The following TOX variants were observed in gnomAD, a reference collection of about 807,000 sequenced individuals.
TOX encodes thymocyte selection associated high mobility group box.
TOX carries 11 observed loss-of-function variants against 53.7 expected under a neutral mutation model. The ratio of observed to expected loss-of-function variants is 0.20; its 90% CI spans 0.13 to 0.34. The LOEUF is 0.34. Among genes scored for constraint, TOX ranks in the 10% least tolerant of loss-of-function variants. The pLI is 1.00. For missense variants in TOX, 570 were observed against 664.6 expected (o/e 0.86, Z 1.56); for synonymous variants, 225 against 245.3 (o/e 0.92, Z 0.77).
chr8:58,987,624 C>T (rs577991469), intron 1 of TOX, among the ~76,000 whole-genome samples: 80 of 152,316 alleles, frequency 5.3e-4, no homozygotes, highest in African/African-American at 1.8e-3. Context: ...ACTCAGTTCT[C>T]AATCAGTTTT....
At chr8:59,093,111 C>T (rs1367576230) in intron 1 of TOX, among the ~76,000 whole-genome samples, 1 of 152,204 alleles carries the variant, frequency 6.6e-6, no homozygotes, top group Non-Finnish European at 1.5e-5. Context: ...TCTTCAGGGA[C>T]ACAGGATGGG....
intron 1 of TOX, among the ~76,000 whole-genome samples, chr8:59,105,452 G>A (rs191585742): frequency 5.9e-5 from 9 of 151,676 alleles, no homozygotes; most frequent in South Asian, 2.1e-4. Flanking sequence ...ATGTCACCCC[G>A]CACATAGAGC....
intron 3 of TOX, among the ~76,000 whole-genome samples, chr8:58,889,978 T>A (rs1811532843): frequency 6.6e-6 from 1 of 152,198 alleles, no homozygotes; most frequent in Admixed American, 6.5e-5. Flanking sequence ...CAGATGGATA[T>A]GTATTATTCA....
chr8:58,857,359 G>A (rs77617737), intron 3 of TOX, among the ~76,000 whole-genome samples: 35 of 152,202 alleles, frequency 2.3e-4, no homozygotes, highest in Non-Finnish European at 3.8e-4. Context: ...TTAGTGTTGC[G>A]TGGCTCTTAA....
At chr8:59,098,172 G>C (rs1804746052) in intron 1 of TOX, among the ~76,000 whole-genome samples, 1 of 152,176 alleles carries the variant, frequency 6.6e-6, no homozygotes, top group South Asian at 2.1e-4. Flanking sequence ...CCAGCAGCCA[G>C]GTTCAACAGC....
At chr8:58,903,736 C>T (rs981141863) in intron 3 of TOX, among the ~76,000 whole-genome samples, 2 of 152,104 alleles carry the variant, frequency 1.3e-5, no homozygotes, top group Admixed American at 6.5e-5. Flanking sequence ...AGTCTTGCAT[C>T]CTTCCTTTGA....
At chr8:59,060,744 T>C (rs1803969963) in intron 1 of TOX, among the ~76,000 whole-genome samples, 2 of 152,258 alleles carry the variant, frequency 1.3e-5, no homozygotes, top group African/African-American at 2.4e-5. Context: ...TTGCCTGTTA[T>C]GCCATTCAAT....
chr8:59,028,403 T>C (rs934930818), intron 1 of TOX, among the ~76,000 whole-genome samples: 1 of 152,166 alleles, frequency 6.6e-6, no homozygotes, highest in Non-Finnish European at 1.5e-5. Context: ...AGAAGCCATA[T>C]ATTTTATAGT....
At chr8:59,064,996 T>C (rs533250605) in intron 1 of TOX, among the ~76,000 whole-genome samples, 43 of 152,286 alleles carry the variant, frequency 2.8e-4, no homozygotes, top group Non-Finnish European at 5.3e-4. Flanking sequence ...GGCTTCCCAA[T>C]TCACATTTAA....
intron 3 of TOX, among the ~76,000 whole-genome samples, chr8:58,861,888 G>A (rs1811016999): frequency 6.6e-6 from 1 of 152,114 alleles, no homozygotes; most frequent in African/African-American, 2.4e-5. Flanking sequence ...TGATATTTGA[G>A]TTCATTTAGA....
chr8:59,084,393 A>G (rs1052430419), intron 1 of TOX, among the ~76,000 whole-genome samples: 2 of 152,184 alleles, frequency 1.3e-5, no homozygotes, highest in Non-Finnish European at 2.9e-5. Flanking sequence ...AAAAGTCTAT[A>G]TTAGTCAGTT....
intron 3 of TOX, among the ~76,000 whole-genome samples, chr8:58,902,927 C>T (rs997078934): frequency 2.0e-5 from 3 of 152,176 alleles, no homozygotes; most frequent in Non-Finnish European, 4.4e-5. Flanking sequence ...AATGTCATCC[C>T]TATTACAAAG....
At chr8:58,922,254 G>A (rs949549433) in intron 3 of TOX, among the ~76,000 whole-genome samples, 10 of 152,142 alleles carry the variant, frequency 6.6e-5, no homozygotes, top group Non-Finnish European at 1.3e-4. Context: ...TACAGCTCCA[G>A]GATTGAAGTT....
intron 1 of TOX, among the ~76,000 whole-genome samples, chr8:59,041,921 A>T (rs1803593901): frequency 6.6e-6 from 1 of 152,180 alleles, no homozygotes; most frequent in Non-Finnish European, 1.5e-5. Flanking sequence ...ATAATTCCTG[A>T]GTTATGTTAT....
At chr8:59,075,527 G>C (rs1277901825) in intron 1 of TOX, among the ~76,000 whole-genome samples, 1 of 152,110 alleles carries the variant, frequency 6.6e-6, no homozygotes, top group Non-Finnish European at 1.5e-5. Flanking sequence ...TTTCTTTATG[G>C]AGGCTCCCAT....
At chr8:59,033,624 C>A (rs897967216) in intron 1 of TOX, among the ~76,000 whole-genome samples, 1 of 152,160 alleles carries the variant, frequency 6.6e-6, no homozygotes, top group Non-Finnish European at 1.5e-5. Flanking sequence ...TTATTCCAGA[C>A]ATAAATGTAA....
At chr8:59,061,579 G>C (rs1803985061) in intron 1 of TOX, among the ~76,000 whole-genome samples, 1 of 151,896 alleles carries the variant, frequency 6.6e-6, no homozygotes, top group South Asian at 2.1e-4. Flanking sequence ...CCACCCCATA[G>C]TCACTACTAG....
At position 59,108,679 on chromosome 8, in the gene TOX, CACACACAT is replaced by C. The variant is rs1335498692; in HGVS notation, c.102+10199_102+10206del. On this transcript the variant is annotated intron_variant, in intron 1 of 8. Coordinates refer to ENST00000361421, the MANE Select transcript of TOX (RefSeq NM_014729.3). ...AAACACACACACACACACACACACA[CACACACAT>C]ACACACACAAGGTTATCAAAAGAGT... Among the ~76,000 whole-genome samples, 520 of 150,752 alleles carry C rather than the reference CACACACAT, an allele frequency of 3.4e-3. 4 individuals are homozygous for C. The highest frequency in any genetic ancestry group is 0.012 in the African/African-American group (473 of 40,260).
chr8:58,875,624 CA>C (rs1212478249), intron 3 of TOX, among the ~76,000 whole-genome samples: 2 of 152,020 alleles, frequency 1.3e-5, no homozygotes, highest in Non-Finnish European at 2.9e-5. Context: ...TAATTTAAAC[CA>C]AAGTTCTGGT....
Sources: allele counts gnomAD v4.1 joint callset (sites outside exome capture counted in the v4.1 genomes callset), GRCh38; gene constraint gnomAD v4.1.1; transcripts MANE v1.5; gene names NCBI Gene and HGNC (gene_info 2026-07-23, HGNC 2026-07-21).